LRRC14: variants seen among roughly 807,000 people sequenced by gnomAD.
LRRC14 encodes the protein leucine-rich repeat-containing protein 14.
LRRC14 carries 16 observed loss-of-function variants against 25.3 expected under a neutral mutation model. The observed-to-expected ratio is 0.63, with a 90% CI of 0.43 to 0.96. The LOEUF (loss-of-function observed/expected upper bound fraction) is 0.96. LRRC14 is among the 40% of genes least tolerant of loss of function. The pLI is 0.00. For synonymous variants in LRRC14, 359 were observed against 295.1 expected (o/e 1.22, Z -2.22); for missense variants, 594 against 660.5 (o/e 0.90, Z 1.10).
chr8:144,524,039 T>A lies in LRRC14; in HGVS notation c.*2561T>A, dbSNP rs1403566014. 1.1e-5 allele frequency: 17 copies of A among 1,530,990 alleles called. No homozygotes were observed. The East Asian group carries it at 3.4e-4, about 31-fold the overall frequency. The allele number at this position is 1,530,990 out of a possible 1,614,324, so 94.8% of individuals were successfully genotyped here. ...CCCAGTTGCCTGATGTCAGAGCCCC[T>A]CCACACATGAGCCTGCTCCCTACTG... On this transcript the variant is annotated 3_prime_UTR_variant, in exon 4 of 4. Transcript: ENST00000292524.
Position 144,519,616 on chromosome 8 carries a change from C to A in LRRC14, c.-110C>A, listed in dbSNP as rs1189952586. 2.1e-6 allele frequency: 2 copies of A among 937,150 alleles called. No homozygotes were observed. The highest frequency in any genetic ancestry group is 3.2e-6 in the Non-Finnish European group (2 of 619,706). 58.1% of individuals were successfully genotyped at this position (937,150 alleles called of 1,614,324 possible). A position where few individuals can be genotyped will look rare whatever the true frequency, so the allele number is the denominator to read the frequency against. Reference sequence around the variant, plus strand: ...TGCTAACTGCTGACTTTGTTTCAGGCACTATGCTGGGCCTTCCTACCACTT... The same window carrying A: ...TGCTAACTGCTGACTTTGTTTCAGGAACTATGCTGGGCCTTCCTACCACTT... On this transcript the variant is annotated splice_region_variant and 5_prime_UTR_variant, in exon 2 of 4. Transcript: ENST00000292524.
At position 144,522,920 on chromosome 8, in the gene LRRC14, C is replaced by T. The variant is rs1336542595; in HGVS notation, c.*1442C>T. ...TTGCGCGGGCTGCTGCGGCTGCTGC[C>T]GGGACGCGTTGACCAGGAGCCGGAA... On this transcript the variant is annotated 3_prime_UTR_variant, in exon 4 of 4. Coordinates refer to ENST00000292524, the MANE Select transcript of LRRC14 (RefSeq NM_014665.4). 1.0e-5 allele frequency: 15 copies of T among 1,457,970 alleles called. No individual in the cohort carries two copies. The highest frequency in any genetic ancestry group is 1.3e-5 in the Non-Finnish European group (15 of 1,112,862). The allele number at this position is 1,457,970 out of a possible 1,614,324, so 90.3% of individuals were successfully genotyped here.
chr8:144,524,936 C>T lies in LRRC14; in HGVS notation c.*3458C>T, dbSNP rs1410968744. ...CGGCGGCGCGGAGCGGCAGTAGTAG[C>T]AGCAGCAGCGGCAGCAGTGCGGGGG... is the stretch of plus-strand genomic sequence containing the variant. On this transcript the variant is annotated 3_prime_UTR_variant, in exon 4 of 4. Transcript: ENST00000292524. 1.3e-5 allele frequency: 20 copies of T among 1,508,024 alleles called. No homozygotes were observed. The highest frequency in any genetic ancestry group is 2.0e-5 in the Admixed American group (1 of 48,862). The allele number at this position is 1,508,024 out of a possible 1,614,324, so 93.4% of individuals were successfully genotyped here.
Position 144,519,875 on chromosome 8 carries a change from G to A in LRRC14, c.150G>A (p.Leu50=). 6.2e-7 allele frequency: 1 copy of A among 1,613,506 alleles called. No homozygotes were observed. The highest frequency in any genetic ancestry group is 8.5e-7 in the Non-Finnish European group (1 of 1,180,034). The stretch of plus-strand genomic sequence containing the variant: ...AGAAGACAGTGGTACTGCGCGAGTT[G>A]GTACACACGTGGCCCTTCCCGCTGC... ...MDKKTVVLRE[L]VHTWPFPLLS... The change falls in exon 2 of 4, where the codon TTG becomes TTA. Residue 50 remains leucine, a synonymous_variant. Coordinates refer to ENST00000292524, the MANE Select transcript of LRRC14 (RefSeq NM_014665.4).
Position 144,522,535 on chromosome 8 carries a change from T to C in LRRC14, c.*1057T>C, listed in dbSNP as rs1218668487. The C allele has an allele frequency of 6.6e-6, 10 of 1,524,568 alleles. No homozygotes were observed. The highest frequency in any genetic ancestry group is 1.7e-4 in the Middle Eastern group (1 of 5,746). 94.4% of individuals were successfully genotyped at this position (1,524,568 alleles called of 1,614,324 possible). On this transcript the variant is annotated 3_prime_UTR_variant, in exon 4 of 4. Coordinates refer to ENST00000292524, the MANE Select transcript of LRRC14 (RefSeq NM_014665.4). The stretch of plus-strand genomic sequence containing the variant: ...CGCGGAGTCCCGGCCCCGCCCCCTG[T>C]TCCGGGCCGCAGTCAGCGGGCGCCT...
At chr8:144,518,828 C>T (rs1214357483) in intron 1 of LRRC14, 1 of 152,280 alleles carries the variant, frequency 6.6e-6, no homozygotes, top group Non-Finnish European at 1.5e-5. Context: ...ACCTTGTGGC[C>T]TTGGGAGTGT....
In LRRC14 at chr8:144,522,658, G is replaced by C; in HGVS notation, c.*1180G>C. On this transcript the variant is annotated 3_prime_UTR_variant, in exon 4 of 4. Transcript: ENST00000292524. ...GCTCCTCTAGCTGTGCGAACGTACA[G>C]GGGCCGTCCAAGTAGTCGTTGACGA... The C allele has an allele frequency of 6.3e-7, 1 of 1,592,260 alleles. No individual in the cohort carries two copies. Among genetic ancestry groups the C allele is most frequent in the Admixed American group, 1.7e-5 (1 of 57,994 alleles).
chr8:144,523,334 G>A lies in LRRC14; in HGVS notation c.*1856G>A. 1.3e-6 allele frequency: 2 copies of A among 1,594,190 alleles called. No individual in the cohort carries two copies. The highest frequency in any genetic ancestry group is 1.7e-6 in the Non-Finnish European group (2 of 1,167,472). ...ACACATGATCTTCCTGTCCCTGGAG[G>A]TGAGCAGCCGCTGGCCGCCCTCCTT... On this transcript the variant is annotated 3_prime_UTR_variant, in exon 4 of 4. Transcript: ENST00000292524.
In LRRC14 at chr8:144,522,451, C is replaced by T. The variant is rs745415569; in HGVS notation, c.*973C>T. The T allele has an allele frequency of 1.7e-5, 24 of 1,397,010 alleles. No homozygotes were observed. The highest frequency in any genetic ancestry group is 2.5e-4 in the Middle Eastern group (1 of 3,968). 86.5% of individuals were successfully genotyped at this position (1,397,010 alleles called of 1,614,324 possible). On this transcript the variant is annotated 3_prime_UTR_variant, in exon 4 of 4. Transcript: ENST00000292524. ...GCCGCACCGGCCAATCTCCGGCGCC[C>T]ACGTCATCCGCGCGCCCGCGGCCCT...
rs150943909 is a variant in LRRC14 at position 144,522,034 on chromosome 8, G to GT, written c.*565dup. 8.9e-3 allele frequency: 1,578 copies of GT among 178,066 alleles called. 9 individuals carry two copies. The highest frequency in any genetic ancestry group is 0.023 in the Middle Eastern group (10 of 440). 11.0% of individuals were successfully genotyped at this position (178,066 alleles called of 1,614,324 possible). ...GTGCCTGGAAGTTGAATTTGTGGCT[G>GT]TTTTTTTTTCTGTCCACGTTGGTCA... is the stretch of plus-strand genomic sequence containing the variant. On this transcript the variant is annotated 3_prime_UTR_variant, in exon 4 of 4. Transcript: ENST00000292524.
At position 144,522,464 on chromosome 8, in the gene LRRC14, C is replaced by T. The variant is rs779913020; in HGVS notation, c.*986C>T. The T allele has an allele frequency of 2.1e-6, 3 of 1,407,454 alleles. No homozygotes were observed. Among genetic ancestry groups the T allele is most frequent in the African/African-American group, 3.0e-5 (2 of 66,186 alleles). The allele number at this position is 1,407,454 out of a possible 1,614,324, so 87.2% of individuals were successfully genotyped here. A position where few individuals can be genotyped will look rare whatever the true frequency, so the allele number is the denominator to read the frequency against. On this transcript the variant is annotated 3_prime_UTR_variant, in exon 4 of 4. Coordinates refer to ENST00000292524, the MANE Select transcript of LRRC14 (RefSeq NM_014665.4). Reference sequence around the variant, plus strand: ...ATCTCCGGCGCCCACGTCATCCGCGCGCCCGCGGCCCTAGCAGTGGATCTC... The same window carrying T: ...ATCTCCGGCGCCCACGTCATCCGCGTGCCCGCGGCCCTAGCAGTGGATCTC...
chr8:144,520,859 TG>T, intron 3 of LRRC14, 37 bp downstream of exon 3: 1 of 1,593,808 alleles, frequency 6.3e-7, no homozygotes, highest in Non-Finnish European at 8.5e-7. Context: ...CCCTCCCTTC[TG>T]TAGGGACCCT....
Position 144,524,971 on chromosome 8 carries a change from C to A in LRRC14, c.*3493C>A. 1 of 1,461,960 alleles carries A rather than the reference C, an allele frequency of 6.8e-7. No homozygotes were observed. 90.6% of individuals were successfully genotyped at this position (1,461,960 alleles called of 1,614,324 possible). On this transcript the variant is annotated 3_prime_UTR_variant, in exon 4 of 4. Transcript: ENST00000292524. ...GGCAGCAGTGCGGGGGCCCTCAGGG[C>A]CATCTCCCGAGGCCCGGTTCCTCAC...
Position 144,521,218 on chromosome 8 carries a change from G to A in LRRC14, c.1222G>A (p.Ala408Thr). 4 of 1,613,302 alleles carry A rather than the reference G, an allele frequency of 2.5e-6. No homozygotes were observed. Among genetic ancestry groups the A allele is most frequent in the Non-Finnish European group, 3.4e-6 (4 of 1,180,026 alleles). ...LGLYGNPLSM[A>T]GLKELLRDSV... ...CCTCTATGGCAACCCACTGTCCATGGCGGGCCTCAAGGAGCTGCTGCGGGA... is the reference window on the plus strand; with the variant it reads ...CCTCTATGGCAACCCACTGTCCATGACGGGCCTCAAGGAGCTGCTGCGGGA... Residue 408 changes from alanine (A) to threonine (T), a missense_variant, in exon 4 of 4, where the codon GCG becomes ACG. Physicochemically the swap from Ala to Thr is moderately conservative, Grantham distance 58 (BLOSUM62 0). Coordinates refer to ENST00000292524, the MANE Select transcript of LRRC14 (RefSeq NM_014665.4).
In LRRC14 at chr8:144,519,936, T is replaced by C; in HGVS notation, c.211T>C (p.Cys71Arg). 1 of 1,613,226 alleles carries C rather than the reference T, an allele frequency of 6.2e-7. No individual in the cohort carries two copies. The highest frequency in any genetic ancestry group is 8.5e-7 in the Non-Finnish European group (1 of 1,180,026). ...GCAGCTGCTACAGGAGTGTGCCCACTGCAGCCGTGCCCTCCTGCAGGAGCG... is the reference window on the plus strand; with the variant it reads ...GCAGCTGCTACAGGAGTGTGCCCACCGCAGCCGTGCCCTCCTGCAGGAGCG... ...FQQLLQECAHCSRALLQERPS... is the reference protein window; with the variant it reads ...FQQLLQECAHRSRALLQERPS... Residue 71 changes from cysteine (C) to arginine (R), a missense_variant, in exon 2 of 4, where the codon TGC (cysteine) becomes CGC (arginine). By Grantham distance (180) the Cys-to-Arg change is radical. Coordinates refer to ENST00000292524, the MANE Select transcript of LRRC14 (RefSeq NM_014665.4).
rs943534172 is a variant in LRRC14, at chr8:144,521,509, C to T, written c.*31C>T. The T allele has an allele frequency of 4.5e-6, 7 of 1,568,822 alleles. No individual in the cohort carries two copies. The highest frequency in any genetic ancestry group is 3.4e-5 in the South Asian group (3 of 87,786). ...TAGCTCTGGGTGAGACACAGGCCGC[C>T]CTGCAGTCTCTTTAGGTAGGCAGGG... On this transcript the variant is annotated 3_prime_UTR_variant, in exon 4 of 4. Transcript: ENST00000292524.
In LRRC14 at chr8:144,521,181, C is replaced by G. The variant is rs142043808; in HGVS notation, c.1185C>G (p.Leu395=). Residue 395 remains leucine (L), a synonymous_variant, in exon 4 of 4, where the codon CTC becomes CTG. Transcript: ENST00000292524. ...CCATCCTGACTCAGTGCGCCAGTCT[C>G]CGGTACCTTGGCCTCTATGGCAACC... The part of the protein sequence containing the change: ...TLPILTQCAS[L]RYLGLYGNPL... 3.7e-6 allele frequency: 6 copies of G among 1,613,112 alleles called. No individual in the cohort carries two copies. The African/African-American group carries it at 4.0e-5, about 11-fold the overall frequency.
Position 144,520,392 on chromosome 8 carries a change from C to T in LRRC14, c.484C>T (p.Pro162Ser), listed in dbSNP as rs1328045066. 1.2e-6 allele frequency: 2 copies of T among 1,608,462 alleles called. No homozygotes were observed. Among genetic ancestry groups the T allele is most frequent in the African/African-American group, 1.3e-5 (1 of 74,934 alleles). ...QGGAAEPGPA[P>S]IPVEVRVDLR... Reference sequence around the variant, plus strand: ...TGGGGCCGCAGAGCCTGGGCCAGCCCCCATCCCCGTGGAGGTGCGCGTGGA... The same window carrying T: ...TGGGGCCGCAGAGCCTGGGCCAGCCTCCATCCCCGTGGAGGTGCGCGTGGA... Residue 162 changes from proline (P) to serine (S), a missense_variant, in exon 3 of 4, where the codon CCC (proline) becomes TCC (serine). Coordinates refer to ENST00000292524, the MANE Select transcript of LRRC14 (RefSeq NM_014665.4).
Position 144,521,248 on chromosome 8 carries a change from G to T in LRRC14, c.1252G>T (p.Val418Leu), listed in dbSNP as rs1193908883. 6.2e-6 allele frequency: 10 copies of T among 1,613,148 alleles called. No homozygotes were observed. The highest frequency in any genetic ancestry group is 8.5e-6 in the Non-Finnish European group (10 of 1,180,036). ...CCTCAAGGAGCTGCTGCGGGACTCA[G>T]TGGCACAGGCTGAGCTGCGTACTGT... is the stretch of plus-strand genomic sequence containing the variant. Reference protein sequence around the residue: ...AGLKELLRDSVAQAELRTVVH... With the variant: ...AGLKELLRDSLAQAELRTVVH... The change falls in exon 4 of 4, where the codon GTG becomes TTG. Residue 418 changes from valine to leucine, a missense_variant. Transcript: ENST00000292524.
Sources: gnomAD v4.1 joint callset for allele counts on GRCh38, gnomAD v4.1.1 for gene constraint, MANE v1.5 for transcripts, NCBI Gene and HGNC (gene_info 2026-07-23, HGNC 2026-07-21) for gene names.